Variants in MACROD2 observed in about 807,000 individuals in gnomAD.
MACROD2 encodes ADP-ribose glycohydrolase MACROD2.
MACROD2 carries 36 observed loss-of-function variants against 70.4 expected under a neutral mutation model. The ratio of observed to expected loss-of-function variants is 0.51; its 90% CI spans 0.39 to 0.68. The LOEUF (loss-of-function observed/expected upper bound fraction) is 0.68. Among genes scored for constraint, MACROD2 ranks in the 30% least tolerant of loss-of-function variants. The probability of loss-of-function intolerance (pLI) is 0.00; values close to 1 mark genes in which losing one functional copy is unlikely to be tolerated. For missense variants in MACROD2, 496 were observed against 538.4 expected (o/e 0.92, Z 0.78); for synonymous variants, 172 against 178.8 (o/e 0.96, Z 0.30).
intron 10 of MACROD2, among the ~76,000 whole-genome samples, chr20:15,921,128 C>T (rs1462237514): frequency 6.6e-6 from 1 of 152,142 alleles, no homozygotes; most frequent in Non-Finnish European, 1.5e-5. Context: ...CCCAGCTGCC[C>T]CCGTAGACAT....
chr20:14,345,364 TAA>T (rs1172151170), intron 3 of MACROD2, among the ~76,000 whole-genome samples: 1 of 152,226 alleles, frequency 6.6e-6, no homozygotes, highest in Non-Finnish European at 1.5e-5. Flanking sequence ...GTTTTCAGTA[TAA>T]AGTGTTTTAA....
intron 6 of MACROD2, among the ~76,000 whole-genome samples, chr20:15,409,445 A>G (rs1460646272): frequency 1.3e-5 from 2 of 152,236 alleles, no homozygotes; most frequent in Non-Finnish European, 2.9e-5. Flanking sequence ...GAATGCAGAA[A>G]AAAGCAATAC....
chr20:15,554,035 A>G (rs1405107719), intron 8 of MACROD2, among the ~76,000 whole-genome samples: 2 of 152,246 alleles, frequency 1.3e-5, no homozygotes, highest in African/African-American at 4.8e-5. Context: ...GATCAGAAAA[A>G]TAAGGGAGAG....
intron 6 of MACROD2, among the ~76,000 whole-genome samples, chr20:15,325,522 G>A (rs535263454): frequency 6.6e-6 from 1 of 152,174 alleles, no homozygotes; most frequent in South Asian, 2.1e-4. Context: ...GAAGGCAGGT[G>A]TTAAATTTTA....
At chr20:15,198,923 T>C (rs1007683335) in intron 5 of MACROD2, among the ~76,000 whole-genome samples, 3 of 152,184 alleles carry the variant, frequency 2.0e-5, no homozygotes, top group Non-Finnish European at 4.4e-5. Flanking sequence ...TTCAGTCTTT[T>C]CTAATAGTTG....
intron 15 of MACROD2, among the ~76,000 whole-genome samples, chr20:16,035,232 G>A (rs2067219298): frequency 7.3e-6 from 1 of 136,902 alleles, no homozygotes; most frequent in African/African-American, 2.7e-5. Flanking sequence ...ATATACCAGA[G>A]TTTCTTTATC....
At chr20:14,607,795 T>C (rs1294658153) in intron 4 of MACROD2, among the ~76,000 whole-genome samples, 1 of 152,180 alleles carries the variant, frequency 6.6e-6, no homozygotes, top group Admixed American at 6.5e-5. Flanking sequence ...TGCCATCGTT[T>C]TGTCTCTGAA....
At chr20:14,645,772 A>G (rs1568717540) in intron 4 of MACROD2, among the ~76,000 whole-genome samples, 1 of 151,974 alleles carries the variant, frequency 6.6e-6, no homozygotes, top group Non-Finnish European at 1.5e-5. Context: ...CTCAAGATGG[A>G]TTTAAATGGA....
intron 7 of MACROD2, among the ~76,000 whole-genome samples, chr20:15,438,770 G>T (rs1049719415): frequency 1.3e-5 from 2 of 152,176 alleles, no homozygotes; most frequent in African/African-American, 4.8e-5. Context: ...TGCACACCCA[G>T]TGCCTAGCAA....
At chr20:15,476,570 G>C (rs971251556) in intron 7 of MACROD2, among the ~76,000 whole-genome samples, 2 of 150,036 alleles carry the variant, frequency 1.3e-5, no homozygotes, top group African/African-American at 4.9e-5. Context: ...TTGTTGTTTT[G>C]CCCCCCCCCG....
At chr20:15,383,254 A>G (rs1191011380) in intron 6 of MACROD2, among the ~76,000 whole-genome samples, 3 of 152,222 alleles carry the variant, frequency 2.0e-5, no homozygotes, top group Non-Finnish European at 2.9e-5. Flanking sequence ...ATGTTTAAGG[A>G]TATAATTGGT....
intron 3 of MACROD2, among the ~76,000 whole-genome samples, chr20:14,230,095 A>G (rs2081787409): frequency 6.6e-6 from 1 of 152,200 alleles, no homozygotes; most frequent in African/African-American, 2.4e-5. Flanking sequence ...AGTGAGTTAC[A>G]GTCTTTTTGC....
intron 15 of MACROD2, among the ~76,000 whole-genome samples, chr20:16,014,457 A>T (rs2066903871): frequency 6.6e-6 from 1 of 152,270 alleles, no homozygotes; most frequent in South Asian, 2.1e-4. Flanking sequence ...ACCCAAGATC[A>T]TAAATCCACA....
At chr20:14,546,360 TC>T (rs1314650068) in intron 4 of MACROD2, among the ~76,000 whole-genome samples, 5 of 152,086 alleles carry the variant, frequency 3.3e-5, no homozygotes, top group Non-Finnish European at 7.4e-5. Context: ...GAAGAAAGAA[TC>T]CTCCAGGAGA....
intron 15 of MACROD2, among the ~76,000 whole-genome samples, chr20:16,032,732 G>A (rs1028417932): frequency 7.5e-6 from 1 of 132,570 alleles, no homozygotes; most frequent in Admixed American, 8.2e-5. Flanking sequence ...GGAAGAAGGA[G>A]AGAAGAAGGG....
intron 5 of MACROD2, among the ~76,000 whole-genome samples, chr20:14,726,824 A>G (rs2071535793): frequency 6.6e-6 from 1 of 152,188 alleles, no homozygotes; most frequent in Non-Finnish European, 1.5e-5. Flanking sequence ...TGTGGCAGTA[A>G]TAGGCTGTGA....
intron 3 of MACROD2, among the ~76,000 whole-genome samples, chr20:14,185,279 T>G (rs2081335785): frequency 6.6e-6 from 1 of 152,122 alleles, no homozygotes. Flanking sequence ...TTCATTTTCT[T>G]AAAGTTTTTA....
intron 3 of MACROD2, among the ~76,000 whole-genome samples, chr20:14,250,929 A>G (rs930388475): frequency 6.6e-6 from 1 of 152,118 alleles, no homozygotes; most frequent in Non-Finnish European, 1.5e-5. Flanking sequence ...ATGGTTCCTC[A>G]TGGAACAGAA....
At chr20:14,393,018 AT>A in intron 3 of MACROD2, among the ~76,000 whole-genome samples, 1 of 152,178 alleles carries the variant, frequency 6.6e-6, no homozygotes, top group Non-Finnish European at 1.5e-5. Flanking sequence ...CTCACCATAT[AT>A]TAAGTAAAAC....
Sources: allele counts gnomAD v4.1 joint callset (sites outside exome capture counted in the v4.1 genomes callset), GRCh38; gene constraint gnomAD v4.1.1; transcripts MANE v1.5; gene names NCBI Gene and HGNC (gene_info 2026-07-23, HGNC 2026-07-21).